LMTK3: variants seen among roughly 807,000 people sequenced by gnomAD.
LMTK3 encodes serine/threonine-protein kinase LMTK3.
A neutral mutation model predicts 116.7 loss-of-function variants in LMTK3; 27 were observed. That is an observed-to-expected ratio of 0.23 (90% CI 0.17 to 0.32). LMTK3 has a LOEUF of 0.32. Among genes scored for constraint, LMTK3 ranks in the 10% least tolerant of loss-of-function variants. The probability of loss-of-function intolerance (pLI) is 1.00; values close to 1 mark genes in which losing one functional copy is unlikely to be tolerated. For missense variants in LMTK3, 1,764 were observed against 2,068.5 expected (o/e 0.85, Z 2.86); for synonymous variants, 965 against 971.0 (o/e 0.99, Z 0.11).
rs989903817 is a variant in LMTK3, at chr19:48,511,480, C to G, written c.76+21G>C. 9.3e-6 allele frequency: 12 copies of G among 1,286,924 alleles called. No individual in the cohort carries two copies. In the African/African-American group the frequency reaches 1.7e-4, roughly 18 times the overall value. The allele number at this position is 1,286,924 out of a possible 1,614,324, so 79.7% of individuals were successfully genotyped here. ...GCGGGGGTGGGGGCCACCGGACAGA[C>G]TGATGGCCCGACAGACTCACCGGGG... On this transcript the variant is annotated intron_variant, in intron 1 of 14. Transcript: ENST00000600059.
Position 48,498,496 on chromosome 19 carries a change from C to T in LMTK3, c.2573G>A (p.Ser858Asn), listed in dbSNP as rs1256116827. The part of the protein sequence containing the change: ...REKPTFVVQV[S>N]TEQLLMSLRE... ...CAGGGACATCAGCAGCTGTTCCGTG[C>T]TCACTTGAACCACGAAGGTCGGCTT... The change falls in exon 11 of 15, where the codon AGC (serine) becomes AAC (asparagine). Residue 858 changes from serine (S) to asparagine (N), a missense_variant. Ser to Asn is a conservative substitution (Grantham distance 46). Transcript: ENST00000600059. 1.3e-6 allele frequency: 2 copies of T among 1,595,394 alleles called. No individual in the cohort carries two copies. The highest frequency in any genetic ancestry group is 2.7e-5 in the African/African-American group (2 of 74,408).
In LMTK3 at chr19:48,499,044, C is replaced by T. The variant is rs901530780; in HGVS notation, c.2025G>A (p.Glu675=). 42 of 1,502,100 alleles carry T rather than the reference C, an allele frequency of 2.8e-5. No individual in the cohort carries two copies. The highest frequency in any genetic ancestry group is 3.7e-5 in the Non-Finnish European group (42 of 1,127,492). The allele number at this position is 1,502,100 out of a possible 1,614,324, so 93.0% of individuals were successfully genotyped here. Reference sequence around the variant, plus strand: ...CCAGTGGCAGGCAGGAGCAGGCCCCCTCGCGGCTGCACAGGGGACAGGGTA... The same window carrying T: ...CCAGTGGCAGGCAGGAGCAGGCCCCTTCGCGGCTGCACAGGGGACAGGGTA... ...GPLPCPLCSR[E]GACSCLPLER... Residue 675 remains glutamate (E), a synonymous_variant, in exon 11 of 15, where the codon GAG becomes GAA. Coordinates refer to ENST00000600059, the MANE Select transcript of LMTK3 (RefSeq NM_001388485.1).
Position 48,485,736 on chromosome 19 carries a change from T to C in LMTK3, c.*37A>G. 5 of 1,604,158 alleles carry C rather than the reference T, an allele frequency of 3.1e-6. No individual in the cohort carries two copies. The highest frequency in any genetic ancestry group is 4.3e-6 in the Non-Finnish European group (5 of 1,174,914). ...CACAGAGGATTCCATTCTCAACCCCTCTTCTGAGGGTGCAGCGGGGTCGGG... is the reference window on the plus strand; with the variant it reads ...CACAGAGGATTCCATTCTCAACCCCCCTTCTGAGGGTGCAGCGGGGTCGGG... On this transcript the variant is annotated 3_prime_UTR_variant, in exon 15 of 15. Coordinates refer to ENST00000600059, the MANE Select transcript of LMTK3 (RefSeq NM_001388485.1).
rs192432040 is a variant in LMTK3, at chr19:48,497,072, C to A, written c.3676+321G>T. Among the ~76,000 whole-genome samples, 18 of 152,332 alleles carry A rather than the reference C, an allele frequency of 1.2e-4. No homozygotes were observed. Among genetic ancestry groups the A allele is most frequent in the Non-Finnish European group, 2.2e-4 (15 of 68,026 alleles). On this transcript the variant is annotated intron_variant, in intron 11 of 14. Coordinates refer to ENST00000600059, the MANE Select transcript of LMTK3 (RefSeq NM_001388485.1). This position sits in a 1 kb window ranked among gnomAD's most constrained non-coding sequence, Gnocchi z 5.7. ...TGAGTTGCAATAATAAAAGCAGGTGCTTACTGAATCCCTTGCTCTGATTAA... is the reference window on the plus strand; with the variant it reads ...TGAGTTGCAATAATAAAAGCAGGTGATTACTGAATCCCTTGCTCTGATTAA...
In LMTK3 at chr19:48,500,195, G is replaced by A. The variant is rs1440202116; in HGVS notation, c.1152-278C>T. Among the ~76,000 whole-genome samples, 7 of 151,836 alleles carry A rather than the reference G, an allele frequency of 4.6e-5. No homozygotes were observed. Among genetic ancestry groups the A allele is most frequent in the African/African-American group, 1.2e-4 (5 of 41,288 alleles). On this transcript the variant is annotated intron_variant, in intron 10 of 14. Transcript: ENST00000600059. The surrounding 1 kb of genome is among the most constrained non-coding windows in gnomAD (Gnocchi z 4.0). ...CCCAGCACTTTGGGAGGCTGAGGCC[G>A]GTGGATCACCTGAGGTCAGGAGTTC...
chr19:48,501,120 G>C lies in LMTK3; in HGVS notation c.1027C>G (p.Leu343Val), dbSNP rs1972458000. ...TAGGGCTGGGCCCCAAACTCAAACA[G>C]CTCCCACAGGGTCACCCCCAGGGAC... is the stretch of plus-strand genomic sequence containing the variant. The part of the protein sequence containing the change: ...IWSLGVTLWE[L>V]FEFGAQPYRH... Residue 343 changes from leucine (L) to valine (V), a missense_variant, in exon 10 of 15, where the codon CTG (leucine) becomes GTG (valine). Leu to Val is a conservative substitution (Grantham distance 32). This residue lies in a region of LMTK3 where 271 missense variants were observed against 478.2 expected (regional missense o/e 0.57). Transcript: ENST00000600059. The C allele has an allele frequency of 6.2e-7, 1 of 1,607,004 alleles. No individual in the cohort carries two copies. The highest frequency in any genetic ancestry group is 8.5e-7 in the Non-Finnish European group (1 of 1,176,810).
In LMTK3 at chr19:48,498,751, G is replaced by A. The variant is rs1284310956; in HGVS notation, c.2318C>T (p.Pro773Leu). The A allele has an allele frequency of 1.1e-5, 17 of 1,506,516 alleles. No homozygotes were observed. The highest frequency in any genetic ancestry group is 1.4e-5 in the Non-Finnish European group (16 of 1,133,540). 93.3% of individuals were successfully genotyped at this position (1,506,516 alleles called of 1,614,324 possible). Residue 773 changes from proline (P) to leucine (L), a missense_variant, in exon 11 of 15, where the codon CCT (proline) becomes CTT (leucine). Pro to Leu is a moderately conservative substitution (Grantham distance 98, BLOSUM62 -3). This residue lies in a region of LMTK3 where 1,028 missense variants were observed against 1,050.6 expected (regional missense o/e 0.98). Coordinates refer to ENST00000600059, the MANE Select transcript of LMTK3 (RefSeq NM_001388485.1). ...TGAACCGGGACTGGCCACGGCCGAA[G>A]GGGGGTCGGGGGACGCGGCCGGGTC... is the stretch of plus-strand genomic sequence containing the variant. ...PADPAASPDPPSAVASPGSGL... is the reference protein window; with the variant it reads ...PADPAASPDPLSAVASPGSGL...
At position 48,498,211 on chromosome 19, in the gene LMTK3, T is replaced by C; in HGVS notation, c.2858A>G (p.Glu953Gly). The change falls in exon 11 of 15, where the codon GAG (glutamate) becomes GGG (glycine). Residue 953 changes from glutamate to glycine, a missense_variant. This residue lies in a region of LMTK3 where 1,028 missense variants were observed against 1,050.6 expected (regional missense o/e 0.98). Coordinates refer to ENST00000600059, the MANE Select transcript of LMTK3 (RefSeq NM_001388485.1). Reference sequence around the variant, plus strand: ...ATTCTCCAGCACTTTCTCTTCTCTCTCGGGGGACCCCAGGGCCCCATTCTC... The same window carrying C: ...ATTCTCCAGCACTTTCTCTTCTCTCCCGGGGGACCCCAGGGCCCCATTCTC... ...AAENGALGSPEREEKVLENGE... is the reference protein window; with the variant it reads ...AAENGALGSPGREEKVLENGE... 1 of 1,612,938 alleles carries C rather than the reference T, an allele frequency of 6.2e-7. No individual in the cohort carries two copies. The highest frequency in any genetic ancestry group is 8.5e-7 in the Non-Finnish European group (1 of 1,179,594).
rs973415836 is a variant in LMTK3, at chr19:48,491,866, A to C, written c.4093-327T>G. Reference sequence around the variant, plus strand: ...CCCCTAACCCAAAGCGATCTCCATAAGCCCCACCCCGTCCACGTCAGTCCC... The same window carrying C: ...CCCCTAACCCAAAGCGATCTCCATACGCCCCACCCCGTCCACGTCAGTCCC... On this transcript the variant is annotated intron_variant, in intron 12 of 14. Coordinates refer to ENST00000600059, the MANE Select transcript of LMTK3 (RefSeq NM_001388485.1). This position sits in a 1 kb window ranked among gnomAD's most constrained non-coding sequence, Gnocchi z 5.1. Among the ~76,000 whole-genome samples, 2 of 151,898 alleles carry C rather than the reference A, an allele frequency of 1.3e-5. No individual in the cohort carries two copies.
At chr19:48,507,609 A>T (rs75912145) in intron 5 of LMTK3, among the ~76,000 whole-genome samples, 3,150 of 146,478 alleles carry the variant, frequency 0.022, 104 homozygotes, top group African/African-American at 0.075. Flanking sequence ...CTTACATTTT[A>T]TTTATTTATT....
rs1972109006 is a variant in LMTK3, at chr19:48,485,631, G to A, written c.*142C>T. ...GGGGCCTCCCGTTTGGCACATGGTA[G>A]GGGAGTGGGAGGGGGAGGGCCCAGC... On this transcript the variant is annotated 3_prime_UTR_variant, in exon 15 of 15. Transcript: ENST00000600059. 1 of 907,678 alleles carries A rather than the reference G, an allele frequency of 1.1e-6. No homozygotes were observed. The highest frequency in any genetic ancestry group is 1.7e-6 in the Non-Finnish European group (1 of 581,848). The allele number at this position is 907,678 out of a possible 1,614,324, so 56.2% of individuals were successfully genotyped here.
At chr19:48,492,915 T>C (rs1972251003) in intron 12 of LMTK3, among the ~76,000 whole-genome samples, 1 of 148,750 alleles carries the variant, frequency 6.7e-6, no homozygotes, top group Non-Finnish European at 1.5e-5. Flanking sequence ...CGGCCCATAC[T>C]CCTGGCCCTG....
At chr19:48,501,758 C>T (rs908748920) in intron 7 of LMTK3, among the ~76,000 whole-genome samples, 196 bp from the exon 8 acceptor site, 20 of 151,894 alleles carry the variant, frequency 1.3e-4, no homozygotes, top group Non-Finnish European at 2.8e-4. Context: ...ACCCCTGGTT[C>T]CTCCAAGTCT....
At chr19:48,513,509 A>C (rs943555464), upstream of LMTK3, 4 of 333,162 alleles carry the variant, frequency 1.2e-5, no homozygotes, top group Admixed American at 1.8e-4. The surrounding 1 kb of genome is among the most constrained non-coding windows in gnomAD (Gnocchi z 5.6). Flanking sequence ...TCTCGGGGTC[A>C]CATCCCACCC....
rs147597970 is a variant in LMTK3, at chr19:48,487,194, C to A, written c.4367-1405G>T. ...AGATTACAGAGGTGTGCCACCACAC[C>A]CAGCTAATTTTTGTATTTTTAGGAG... On this transcript the variant is annotated intron_variant, in intron 14 of 14. Transcript: ENST00000600059. Among the ~76,000 whole-genome samples, 805 of 152,130 alleles carry A rather than the reference C, an allele frequency of 5.3e-3. 10 individuals carry two copies. Among genetic ancestry groups the A allele is most frequent in the African/African-American group, 0.019 (775 of 41,506 alleles).
At position 48,494,933 on chromosome 19, in the gene LMTK3, C is replaced by T. The variant is rs1289549797; in HGVS notation, c.3677-824G>A. Reference sequence around the variant, plus strand: ...CACTCCCTCCTTTCCTTCACATCTGCTCAAAAGTCACACTTTTGTTGACCA... The same window carrying T: ...CACTCCCTCCTTTCCTTCACATCTGTTCAAAAGTCACACTTTTGTTGACCA... On this transcript the variant is annotated intron_variant, in intron 11 of 14. Coordinates refer to ENST00000600059, the MANE Select transcript of LMTK3 (RefSeq NM_001388485.1). This position sits in a 1 kb window ranked among gnomAD's most constrained non-coding sequence, Gnocchi z 4.0. 1.3e-5 allele frequency among the ~76,000 whole-genome samples: 2 copies of T among 152,176 alleles called. No individual in the cohort carries two copies. Among genetic ancestry groups the T allele is most frequent in the African/African-American group, 4.8e-5 (2 of 41,452 alleles).
rs944313810 is a variant in LMTK3, at chr19:48,487,074, G to A, written c.4367-1285C>T. On this transcript the variant is annotated intron_variant, in intron 14 of 14. Coordinates refer to ENST00000600059, the MANE Select transcript of LMTK3 (RefSeq NM_001388485.1). ...TTTTAAGACAGAGTCTTATTCTGTCGCCCAGGCTGGAGTACAGTGGCACGA... is the reference window on the plus strand; with the variant it reads ...TTTTAAGACAGAGTCTTATTCTGTCACCCAGGCTGGAGTACAGTGGCACGA... Among the ~76,000 whole-genome samples the A allele has an allele frequency of 8.9e-5, 12 of 134,410 alleles. No homozygotes were observed. In the South Asian group the frequency reaches 1.1e-3, roughly 13 times the overall value. The allele number at this position is 134,410 out of a possible 152,430, so 88.2% of individuals were successfully genotyped here.
At chr19:48,503,248 A>G (rs953728897) in intron 5 of LMTK3, among the ~76,000 whole-genome samples, 1 of 152,162 alleles carries the variant, frequency 6.6e-6, no homozygotes, top group Non-Finnish European at 1.5e-5. Flanking sequence ...GGGTTTCACC[A>G]TGTTGGCCAG....
intron 5 of LMTK3, among the ~76,000 whole-genome samples, chr19:48,508,436 C>G (rs1159044719): frequency 6.6e-6 from 1 of 152,076 alleles, no homozygotes; most frequent in African/African-American, 2.4e-5. Context: ...GGATGGAGCT[C>G]CACAGTGGCC....
Sources: gnomAD v4.1 joint callset for allele counts (sites outside exome capture counted in the v4.1 genomes callset) on GRCh38, gnomAD v4.1.1 for gene constraint, gnomAD v4.1.1 regional missense constraint, Gnocchi (gnomAD v3.1) non-coding constraint, MANE v1.5 for transcripts, NCBI Gene and HGNC (gene_info 2026-07-23, HGNC 2026-07-21) for gene names.